Variants in CCDC181 observed in about 807,000 individuals in gnomAD.
The protein encoded by CCDC181 is coiled-coil domain-containing protein 181.
A neutral mutation model predicts 58.7 loss-of-function variants in CCDC181; 35 were observed. That is an observed-to-expected ratio of 0.60 (90% confidence interval 0.46 to 0.79). The LOEUF is 0.79. CCDC181 is among the 30% of genes least tolerant of loss of function. CCDC181 has a pLI of 0.00. For missense variants in CCDC181, 517 were observed against 583.9 expected (o/e 0.89, Z 1.18); for synonymous variants, 183 against 197.5 (o/e 0.93, Z 0.62).
intron 2 of CCDC181, among the ~76,000 whole-genome samples, chr1:169,456,023 C>T (rs970978474): frequency 7.9e-5 from 12 of 151,964 alleles, no homozygotes; most frequent in Admixed American, 7.9e-4. Flanking sequence ...AGACTAGACC[C>T]TCCTCAGTTT....
intron 4 of CCDC181, among the ~76,000 whole-genome samples, chr1:169,410,195 C>A (rs914901892): frequency 1.5e-5 from 2 of 136,126 alleles, no homozygotes; most frequent in African/African-American, 2.8e-5. Context: ...GAACATTTAC[C>A]AAGCAAATGG....
At chr1:169,449,297 A>G (rs1435406136) in intron 2 of CCDC181, among the ~76,000 whole-genome samples, 1 of 152,164 alleles carries the variant, frequency 6.6e-6, no homozygotes, top group Non-Finnish European at 1.5e-5. Context: ...TAATATGGCT[A>G]GGAGGTGGGT....
chr1:169,397,114 ATAGG>A (rs910203107), intron 5 of CCDC181, 119 bp downstream of exon 5: 32 of 640,258 alleles, frequency 5.0e-5, no homozygotes, highest in Non-Finnish European at 7.1e-5. Flanking sequence ...TTAAAATTGA[ATAGG>A]TACGTGCTGT....
At chr1:169,432,888 C>T (rs1308405877) in intron 2 of CCDC181, among the ~76,000 whole-genome samples, 3 of 152,052 alleles carry the variant, frequency 2.0e-5, no homozygotes, top group Non-Finnish European at 2.9e-5. Flanking sequence ...AAACATCATG[C>T]TCAATTCTGA....
rs1240056358 is a variant in CCDC181 at position 169,459,866 on chromosome 1, T to A, written c.-91-2A>T. ...AAGTCTTCCATGGTTTTTGGCATCC[T>A]GTGGGGAATAATGGTCAAGTTACGC... On this transcript the variant is annotated splice_acceptor_variant, in intron 1 of 6. Coordinates refer to the CCDC181 transcript ENST00000545005. LOFTEE classifies it low-confidence loss of function (5UTR_SPLICE). The A allele has an allele frequency of 1.6e-5, 2 of 122,812 alleles. No homozygotes were observed. The highest frequency in any genetic ancestry group is 3.2e-5 in the Non-Finnish European group (2 of 62,990). 7.6% of individuals were successfully genotyped at this position (122,812 alleles called of 1,614,324 possible).
intron 4 of CCDC181, among the ~76,000 whole-genome samples, chr1:169,403,573 C>T (rs997002500): frequency 5.3e-5 from 8 of 152,114 alleles, no homozygotes; most frequent in South Asian, 2.1e-4. Context: ...GGGTAGATAA[C>T]GAAATGAAGG....
chr1:169,427,830 A>C (rs183537038), upstream of CCDC181, among the ~76,000 whole-genome samples: 982 of 152,274 alleles, frequency 6.4e-3, 5 homozygotes, highest in African/African-American at 0.023. Context: ...TTTTTTTCCT[A>C]ATCAAAACCA....
chr1:169,421,711 A>G lies in CCDC181; in HGVS notation c.720T>C (p.Pro240=). 1 of 1,614,012 alleles carries G rather than the reference A, an allele frequency of 6.2e-7. No individual in the cohort carries two copies. The change falls in exon 3 of 6, where the codon CCT becomes CCC. Residue 240 remains proline (P), a synonymous_variant. Coordinates refer to ENST00000367806, the MANE Select transcript of CCDC181 (RefSeq NM_001300969.2). ...CTGTACTATTTGCATTATTAATGGGAGGCAAAAACCCCTGACTGGCAATGT... is the reference window on the plus strand; with the variant it reads ...CTGTACTATTTGCATTATTAATGGGGGGCAAAAACCCCTGACTGGCAATGT... The part of the protein sequence containing the change: ...LQDIASQGFL[P]PINNANSTEN...
At chr1:169,420,538 A>G (rs1268081624) in intron 3 of CCDC181, among the ~76,000 whole-genome samples, 1 of 152,166 alleles carries the variant, frequency 6.6e-6, no homozygotes, top group Non-Finnish European at 1.5e-5. Flanking sequence ...TTTGCTACTA[A>G]CAAGTACAGA....
chr1:169,436,067 A>C (rs1211404603), intron 2 of CCDC181, among the ~76,000 whole-genome samples: 1 of 152,216 alleles, frequency 6.6e-6, no homozygotes, highest in East Asian at 1.9e-4. Context: ...TTGTGAACTA[A>C]GCTTGAGCCA....
chr1:169,456,385 G>A (rs958423937), intron 2 of CCDC181, among the ~76,000 whole-genome samples: 2 of 151,748 alleles, frequency 1.3e-5, no homozygotes, highest in Non-Finnish European at 2.9e-5. Context: ...TACTCTTCAT[G>A]TATAGTATTT....
At chr1:169,413,281 C>T (rs1379902351) in intron 4 of CCDC181, among the ~76,000 whole-genome samples, 1 of 152,210 alleles carries the variant, frequency 6.6e-6, no homozygotes, top group Non-Finnish European at 1.5e-5. Context: ...GTCATCATCA[C>T]TGGTATTAGA....
At chr1:169,415,888 T>A (rs1656192566) in intron 4 of CCDC181, among the ~76,000 whole-genome samples, 1 of 152,154 alleles carries the variant, frequency 6.6e-6, no homozygotes, top group African/African-American at 2.4e-5. Context: ...CTACTCCACC[T>A]CTGAAATCGC....
rs1377702287 is a variant in CCDC181, at chr1:169,421,632, T to C, written c.799A>G (p.Thr267Ala). Reference sequence around the variant, plus strand: ...TTTGCTGTAGAATCTTCTTTCTTGGTGCCACTGACAGAGGAGTTGGAAGAT... The same window carrying C: ...TTTGCTGTAGAATCTTCTTTCTTGGCGCCACTGACAGAGGAGTTGGAAGAT... Reference protein sequence around the residue: ...PRSSNSSVSGTKKEDSTAKIH... With the variant: ...PRSSNSSVSGAKKEDSTAKIH... Residue 267 changes from threonine to alanine, a missense_variant, in exon 3 of 6, where the codon ACC becomes GCC. Coordinates refer to ENST00000367806, the MANE Select transcript of CCDC181 (RefSeq NM_001300969.2). 2 of 1,614,146 alleles carry C rather than the reference T, an allele frequency of 1.2e-6. No homozygotes were observed. Among genetic ancestry groups the C allele is most frequent in the Non-Finnish European group, 8.5e-7 (1 of 1,180,014 alleles).
intron 4 of CCDC181, among the ~76,000 whole-genome samples, chr1:169,403,548 T>A (rs1655476185): frequency 6.6e-6 from 1 of 152,178 alleles, no homozygotes; most frequent in Admixed American, 6.5e-5. Flanking sequence ...AACAACCTGC[T>A]CCTGAATGAC....
chr1:169,420,306 A>T (rs1656397883), intron 3 of CCDC181, among the ~76,000 whole-genome samples: 1 of 152,098 alleles, frequency 6.6e-6, no homozygotes, highest in African/African-American at 2.4e-5. Context: ...GCTATTAGTG[A>T]CCAAGTGAAC....
intron 2 of CCDC181, among the ~76,000 whole-genome samples, chr1:169,440,947 G>GAAAAAAAAAAAAAAAAAA (rs1657211034): frequency 1.7e-5 from 1 of 59,452 alleles, no homozygotes; most frequent in Non-Finnish European, 4.5e-5. Context: ...AAAAAAAAAG[G>GAAAAAAAAAAAAAAAAAA]CAAGATGAGG....
chr1:169,404,627 C>A (rs1655547521), intron 4 of CCDC181, among the ~76,000 whole-genome samples: 1 of 152,184 alleles, frequency 6.6e-6, no homozygotes, highest in East Asian at 1.9e-4. Context: ...ATCCTAAAAA[C>A]TCTCAATGAA....
chr1:169,395,668 A>T (rs1654979007), intron 5 of CCDC181, among the ~76,000 whole-genome samples: 1 of 152,218 alleles, frequency 6.6e-6, no homozygotes, highest in South Asian at 2.1e-4. Context: ...AGTCCACAAA[A>T]TAGTTCTTAA....
Sources: allele counts gnomAD v4.1 joint callset (sites outside exome capture counted in the v4.1 genomes callset), GRCh38; gene constraint gnomAD v4.1.1; transcripts MANE v1.5; gene names NCBI Gene and HGNC (gene_info 2026-07-23, HGNC 2026-07-21).